Variants in PCDHGB4 observed in about 807,000 individuals in gnomAD.
PCDHGB4 encodes protocadherin gamma-B4.
In PCDHGB4, 38 loss-of-function variants were observed where a neutral mutation model predicts 60.5. The observed-to-expected ratio is 0.63, with a 90% CI of 0.48 to 0.82. PCDHGB4 has a LOEUF of 0.82. PCDHGB4 is among the 40% of genes least tolerant of loss of function. PCDHGB4 has a pLI of 0.00. For missense variants in PCDHGB4, 1,109 were observed against 1,209.6 expected (o/e 0.92, Z 1.23); for synonymous variants, 456 against 509.7 (o/e 0.89, Z 1.42).
intron 1 of PCDHGB4, chr5:141,420,165 C>T: frequency 6.2e-7 from 1 of 1,614,022 alleles, no homozygotes; most frequent in South Asian, 1.1e-5. Flanking sequence ...AATTTTTTCA[C>T]ATCTGTTGAT....
chr5:141,395,129 G>C (rs2093179899), intron 1 of PCDHGB4: 1 of 1,614,182 alleles, frequency 6.2e-7, no homozygotes, highest in African/African-American at 1.3e-5. Context: ...TCTTTCCCCA[G>C]CCCAACTACG....
chr5:141,478,497 CGGTGTTCTATAGGCA>C, intron 1 of PCDHGB4: 1 of 1,612,820 alleles, frequency 6.2e-7, no homozygotes, highest in South Asian at 1.1e-5. Flanking sequence ...AGCTGTGATC[CGGTGTTCTATAGGCA>C]GGTGTTGGGT....
At chr5:141,414,220 C>T in intron 1 of PCDHGB4, 1 of 1,613,094 alleles carries the variant, frequency 6.2e-7, no homozygotes, top group Non-Finnish European at 8.5e-7. Flanking sequence ...TGACAACAGT[C>T]CAGAGCTGAC....
chr5:141,466,297 A>G (rs1206472131), intron 1 of PCDHGB4, among the ~76,000 whole-genome samples: 3 of 152,146 alleles, frequency 2.0e-5, no homozygotes, highest in East Asian at 1.9e-4. Flanking sequence ...CAGGCTCCCA[A>G]GTAGCTGGGA....
intron 1 of PCDHGB4, among the ~76,000 whole-genome samples, chr5:141,443,781 C>CA (rs1227271563): frequency 8.6e-5 from 13 of 150,636 alleles, no homozygotes; most frequent in South Asian, 2.1e-4. Flanking sequence ...ACCAAAAAGA[C>CA]AAAAAAAATG....
chr5:141,469,711 T>C (rs894622720), intron 1 of PCDHGB4, among the ~76,000 whole-genome samples: 13 of 152,372 alleles, frequency 8.5e-5, no homozygotes, highest in African/African-American at 2.4e-4. Flanking sequence ...AATCACACTA[T>C]TAGGAATTTA....
Position 141,476,598 on chromosome 5 carries a change from A to G in PCDHGB4, c.2398-18209A>G, listed in dbSNP as rs1222456783. The G allele has an allele frequency of 6.2e-7, 1 of 1,614,238 alleles. No homozygotes were observed. Among genetic ancestry groups the G allele is most frequent in the South Asian group, 1.1e-5 (1 of 91,088 alleles). On this transcript the variant is annotated intron_variant, in intron 1 of 3. Transcript: ENST00000519479. This position sits in a 1 kb window ranked among gnomAD's most constrained non-coding sequence, Gnocchi z 7.6. ...CGCTTTCCGCTCGAGAGCGCGCACG[A>G]TCCCGATGTGGGAAGCAACTCTTTA... is the stretch of plus-strand genomic sequence containing the variant.
At chr5:141,410,903 G>C (rs191165984) in intron 1 of PCDHGB4, 2 of 276,978 alleles carry the variant, frequency 7.2e-6, no homozygotes, top group South Asian at 4.9e-5. Context: ...GCCTAGGCTG[G>C]AGTGCAGTGG....
chr5:141,400,736 G>A, intron 1 of PCDHGB4: 1 of 630,462 alleles, frequency 1.6e-6, no homozygotes, highest in Non-Finnish European at 2.7e-6. Context: ...AGTAGTGAGA[G>A]TTTGCTCTTA....
At chr5:141,434,193 T>C (rs2097677103) in intron 1 of PCDHGB4, among the ~76,000 whole-genome samples, 1 of 152,246 alleles carries the variant, frequency 6.6e-6, no homozygotes, top group Non-Finnish European at 1.5e-5. Flanking sequence ...GTAATTCCAA[T>C]GTACTTACTT....
chr5:141,422,172 C>A, intron 1 of PCDHGB4: 2 of 1,564,780 alleles, frequency 1.3e-6, no homozygotes, highest in Non-Finnish European at 1.7e-6. Context: ...AATATAGATT[C>A]TATGAGATGG....
intron 1 of PCDHGB4, among the ~76,000 whole-genome samples, chr5:141,397,777 C>T (rs1589309887): frequency 6.6e-6 from 1 of 152,170 alleles, no homozygotes; most frequent in Non-Finnish European, 1.5e-5. Flanking sequence ...AGTATATGGA[C>T]GTAAAAACTT....
rs2099068970 is a variant in PCDHGB4 at position 141,463,759 on chromosome 5, T to C, written c.2398-31048T>C. 2.0e-5 allele frequency among the ~76,000 whole-genome samples: 3 copies of C among 152,234 alleles called. No homozygotes were observed. The South Asian group carries it at 6.2e-4, about 32-fold the overall frequency. ...CCGCGCCCGGCCTGCTTCTCTTCTCTTATGGGTTAGAATCCTGCACTGTCT... is the reference window on the plus strand; with the variant it reads ...CCGCGCCCGGCCTGCTTCTCTTCTCCTATGGGTTAGAATCCTGCACTGTCT... On this transcript the variant is annotated intron_variant, in intron 1 of 3. Transcript: ENST00000519479.
At position 141,493,726 on chromosome 5, in the gene PCDHGB4, G is replaced by C. The variant is rs1032021616; in HGVS notation, c.2398-1081G>C. ...CTGGAATGCTAGGTTTCTGGGTTCT[G>C]CTCATATCACTGCCACCTGTGAGCC... On this transcript the variant is annotated intron_variant, in intron 1 of 3. Coordinates refer to ENST00000519479, the MANE Select transcript of PCDHGB4 (RefSeq NM_003736.4). This position sits in a 1 kb window ranked among gnomAD's most constrained non-coding sequence, Gnocchi z 4.3. Among the ~76,000 whole-genome samples, 2 of 152,154 alleles carry C rather than the reference G, an allele frequency of 1.3e-5. No individual in the cohort carries two copies. Among genetic ancestry groups the C allele is most frequent in the African/African-American group, 4.8e-5 (2 of 41,438 alleles).
chr5:141,450,823 A>AT (rs1453980247), intron 1 of PCDHGB4, among the ~76,000 whole-genome samples: 4 of 133,078 alleles, frequency 3.0e-5, no homozygotes, highest in African/African-American at 1.2e-4. Context: ...TAATATTATT[A>AT]TTATTATTTT....
In PCDHGB4 at chr5:141,494,027, G is replaced by A. The variant is rs77020157; in HGVS notation, c.2398-780G>A. 1.5e-4 allele frequency among the ~76,000 whole-genome samples: 23 copies of A among 152,298 alleles called. No homozygotes were observed. In the East Asian group the frequency reaches 3.3e-3, roughly 22 times the overall value. ...ACACATCAGCCCCTTGGGAGCCCTGGAGACTTAGTTGGCCCTGCTTGGAGG... is the reference window on the plus strand; with the variant it reads ...ACACATCAGCCCCTTGGGAGCCCTGAAGACTTAGTTGGCCCTGCTTGGAGG... On this transcript the variant is annotated intron_variant, in intron 1 of 3. Coordinates refer to ENST00000519479, the MANE Select transcript of PCDHGB4 (RefSeq NM_003736.4).
chr5:141,425,194 A>G (rs1464968527), intron 1 of PCDHGB4, among the ~76,000 whole-genome samples: 1 of 152,206 alleles, frequency 6.6e-6, no homozygotes, highest in Non-Finnish European at 1.5e-5. Context: ...CAAACTGAGA[A>G]AAATGATGTA....
intron 1 of PCDHGB4, among the ~76,000 whole-genome samples, chr5:141,471,791 A>C (rs904614629): frequency 1.3e-5 from 2 of 152,238 alleles, no homozygotes; most frequent in Admixed American, 1.3e-4. Context: ...ATGCTATGTC[A>C]TATAAAAGAC....
At position 141,491,265 on chromosome 5, in the gene PCDHGB4, C is replaced by G. The variant is rs868682993; in HGVS notation, c.2398-3542C>G. ...AGGATGAGGACCCTGAGGAAATGCCCAAATCCAGTGACTTCCTCATACACC... is the reference window on the plus strand; with the variant it reads ...AGGATGAGGACCCTGAGGAAATGCCGAAATCCAGTGACTTCCTCATACACC... On this transcript the variant is annotated intron_variant, in intron 1 of 3. Transcript: ENST00000519479. The surrounding 1 kb of genome is among the most constrained non-coding windows in gnomAD (Gnocchi z 6.9). The G allele has an allele frequency of 6.2e-7, 1 of 1,614,074 alleles. No individual in the cohort carries two copies. The highest frequency in any genetic ancestry group is 8.5e-7 in the Non-Finnish European group (1 of 1,179,916).
Sources: gnomAD v4.1 joint callset for allele counts (sites outside exome capture counted in the v4.1 genomes callset) on GRCh38, gnomAD v4.1.1 for gene constraint, Gnocchi (gnomAD v3.1) non-coding constraint, MANE v1.5 for transcripts, NCBI Gene and HGNC (gene_info 2026-07-23, HGNC 2026-07-21) for gene names.